Variants in TULP4 observed in about 807,000 individuals in gnomAD.
TULP4 encodes the protein TUB like protein 4, also known as tubby-related protein 4.
In TULP4, 16 loss-of-function variants were observed where a neutral mutation model predicts 129.0. That is an observed-to-expected ratio of 0.12 (90% CI 0.08 to 0.19). The LOEUF is 0.19. TULP4 is among the 10% of genes least tolerant of loss of function. The pLI, the probability that TULP4 is intolerant of heterozygous loss-of-function variation, is 1.00. For synonymous variants in TULP4, 998 were observed against 854.0 expected (o/e 1.17, Z -2.94); for missense variants, 1,842 against 2,059.1 (o/e 0.89, Z 2.04).
intron 1 of TULP4, among the ~76,000 whole-genome samples, chr6:158,256,934 C>G (rs774321031): frequency 1.3e-5 from 2 of 152,082 alleles, no homozygotes; most frequent in Non-Finnish European, 2.9e-5. Context: ...AGCCTCCTGC[C>G]AAGTTGGCAT....
intron 6 of TULP4, among the ~76,000 whole-genome samples, chr6:158,470,635 T>C (rs1367178711): frequency 1.3e-5 from 2 of 152,332 alleles, no homozygotes; most frequent in Non-Finnish European, 2.9e-5. Context: ...TAGTCCTGTC[T>C]CTCAGAACCA....
At chr6:158,351,959 T>A (rs1780535605) in intron 1 of TULP4, among the ~76,000 whole-genome samples, 1 of 152,048 alleles carries the variant, frequency 6.6e-6, no homozygotes. Context: ...TGACCTCAGA[T>A]GATGCGTCTG....
intron 1 of TULP4, among the ~76,000 whole-genome samples, chr6:158,367,136 C>G (rs1292860542): frequency 6.6e-6 from 1 of 152,210 alleles, no homozygotes; most frequent in African/African-American, 2.4e-5. Flanking sequence ...GCCACTGTCA[C>G]CTCTTTTCTT....
In TULP4 at chr6:158,455,054, CA is replaced by C. The variant is rs1351304822; in HGVS notation, c.859+2787del. Among the ~76,000 whole-genome samples the C allele has an allele frequency of 1.6e-4, 10 of 63,432 alleles. 1 individual carries two copies. Among genetic ancestry groups the C allele is most frequent in the East Asian group, 1.2e-3 (3 of 2,430 alleles). The allele number at this position is 63,432 out of a possible 152,430, so 41.6% of individuals were successfully genotyped here. On this transcript the variant is annotated intron_variant, in intron 5 of 13. Coordinates refer to ENST00000367097, the MANE Select transcript of TULP4 (RefSeq NM_020245.5). ...CTTCTAAAAATACAGGCAAATTTAA[CA>C]TTTTTTTTTTTTTTTTTTTTTTTTT...
intron 13 of TULP4, among the ~76,000 whole-genome samples, chr6:158,506,220 T>C (rs1209851150): frequency 7.9e-6 from 1 of 127,044 alleles, no homozygotes; most frequent in Non-Finnish European, 1.6e-5. Context: ...GCTCGCCTTG[T>C]TCTTTTTTTT....
chr6:158,397,358 A>G (rs2114968364), intron 1 of TULP4, among the ~76,000 whole-genome samples: 1 of 152,328 alleles, frequency 6.6e-6, no homozygotes, highest in East Asian at 1.9e-4. Flanking sequence ...GGCCTTGTCC[A>G]ATAGAGTATG....
intron 1 of TULP4, among the ~76,000 whole-genome samples, chr6:158,349,522 TG>T (rs1780437236): frequency 2.6e-5 from 2 of 76,764 alleles, no homozygotes; most frequent in Non-Finnish European, 5.1e-5. Flanking sequence ...AGACGAAGGG[TG>T]GCCGGGCAGA....
chr6:158,439,617 C>T (rs1778837533), intron 3 of TULP4, among the ~76,000 whole-genome samples: 1 of 151,390 alleles, frequency 6.6e-6, no homozygotes, highest in South Asian at 2.1e-4. Flanking sequence ...TTTAGTTTCC[C>T]TGCAAAGACT....
At chr6:158,427,058 G>T (rs2115050428) in intron 2 of TULP4, among the ~76,000 whole-genome samples, 1 of 152,276 alleles carries the variant, frequency 6.6e-6, no homozygotes, top group South Asian at 2.1e-4. Context: ...AGTGATTTTT[G>T]TATGTTGATT....
intron 1 of TULP4, among the ~76,000 whole-genome samples, chr6:158,274,180 C>T (rs1056728911): frequency 4.6e-5 from 7 of 152,058 alleles, no homozygotes; most frequent in Non-Finnish European, 1.0e-4. Flanking sequence ...ATTGCTTGAA[C>T]CCGGGAGGTG....
chr6:158,369,226 C>T (rs1198822240), intron 1 of TULP4, among the ~76,000 whole-genome samples: 1 of 152,076 alleles, frequency 6.6e-6, no homozygotes, highest in African/African-American at 2.4e-5. Context: ...GGCTCAGTGG[C>T]TCACACCTAG....
intron 1 of TULP4, among the ~76,000 whole-genome samples, chr6:158,377,190 C>T (rs1454589637): frequency 2.0e-5 from 3 of 152,306 alleles, no homozygotes; most frequent in South Asian, 4.2e-4. Context: ...GCACCCAGCA[C>T]GCCTGCCACG....
intron 1 of TULP4, among the ~76,000 whole-genome samples, chr6:158,266,299 C>T (rs186320384): frequency 2.6e-5 from 4 of 152,224 alleles, no homozygotes; most frequent in Admixed American, 2.6e-4. Context: ...CACTCTTATC[C>T]AGGCCGGAGG....
At chr6:158,355,801 A>AG (rs561871840) in intron 1 of TULP4, among the ~76,000 whole-genome samples, 151 of 152,368 alleles carry the variant, frequency 9.9e-4, no homozygotes, top group Non-Finnish European at 1.7e-3. Flanking sequence ...AATACAAACG[A>AG]GAAATCTGTT....
chr6:158,405,176 A>G (rs907263805), intron 1 of TULP4, among the ~76,000 whole-genome samples: 1 of 152,252 alleles, frequency 6.6e-6, no homozygotes, highest in South Asian at 2.1e-4. Context: ...ACTGTCTAAC[A>G]AGATAGTTTT....
At chr6:158,494,301 G>A (rs1780278400) in intron 10 of TULP4, among the ~76,000 whole-genome samples, 1 of 152,130 alleles carries the variant, frequency 6.6e-6, no homozygotes, top group Non-Finnish European at 1.5e-5. Flanking sequence ...GCTGTATTTT[G>A]TCCATCTTTA....
intron 1 of TULP4, among the ~76,000 whole-genome samples, chr6:158,323,747 G>T (rs1460561372): frequency 6.6e-6 from 1 of 152,152 alleles, no homozygotes; most frequent in Non-Finnish European, 1.5e-5. Flanking sequence ...TGCATGGCAG[G>T]TTTCAAAACC....
At chr6:158,282,324 A>T (rs1778769434) in exon 1 of TULP4, 1 of 152,130 alleles carries the variant, frequency 6.6e-6, no homozygotes, top group African/African-American at 2.4e-5. Flanking sequence ...TGAAGATCTT[A>T]AATTTGTGGT....
intron 1 of TULP4, among the ~76,000 whole-genome samples, chr6:158,325,372 AG>A (rs1277347668): frequency 3.4e-5 from 1 of 29,816 alleles, no homozygotes; most frequent in African/African-American, 9.4e-5. Context: ...TTTTTTTTTC[AG>A]ACAGAGTCTT....
Sources: gnomAD v4.1 joint callset for allele counts (sites outside exome capture counted in the v4.1 genomes callset) on GRCh38, gnomAD v4.1.1 for gene constraint, MANE v1.5 for transcripts, NCBI Gene and HGNC (gene_info 2026-07-23, HGNC 2026-07-21) for gene names.